Variants in FOXO1 observed in about 807,000 individuals in gnomAD.
FOXO1 encodes forkhead box protein O1.
Under a neutral mutation model 44.1 loss-of-function variants are expected in FOXO1, and 6 were observed. The observed-to-expected ratio is 0.14, with a 90% CI of 0.07 to 0.27. The LOEUF is 0.27. Ranked by LOEUF, FOXO1 falls within the 10% of genes least tolerant of loss-of-function variation. The probability of loss-of-function intolerance (pLI) is 1.00; values close to 1 mark genes in which losing one functional copy is unlikely to be tolerated. For synonymous variants in FOXO1, 380 were observed against 362.7 expected (o/e 1.05, Z -0.54); for missense variants, 737 against 888.8 (o/e 0.83, Z 2.17).
At chr13:40,605,840 A>C (rs1407457736) in intron 1 of FOXO1, among the ~76,000 whole-genome samples, 1 of 152,186 alleles carries the variant, frequency 6.6e-6, no homozygotes, top group Non-Finnish European at 1.5e-5. Flanking sequence ...GCCACAAATT[A>C]TACCAGTAAT....
intron 1 of FOXO1, among the ~76,000 whole-genome samples, chr13:40,648,035 A>C (rs763567531): frequency 5.9e-5 from 9 of 152,202 alleles, no homozygotes; most frequent in Non-Finnish European, 1.3e-4. Flanking sequence ...AGTTTCAATC[A>C]TCTGACTCTT....
intron 1 of FOXO1, among the ~76,000 whole-genome samples, chr13:40,580,931 T>C (rs1874932058): frequency 6.6e-6 from 1 of 152,184 alleles, no homozygotes; most frequent in Admixed American, 6.5e-5. Flanking sequence ...CAGCACTGCT[T>C]AGCCTTCGCC....
At chr13:40,659,470 T>G (rs1877968913) in intron 1 of FOXO1, among the ~76,000 whole-genome samples, 2 of 151,938 alleles carry the variant, frequency 1.3e-5, no homozygotes, top group Non-Finnish European at 2.9e-5. Flanking sequence ...CTTGATTTTT[T>G]TTTTTTCCTG....
At chr13:40,642,240 T>A (rs1877375433) in intron 1 of FOXO1, among the ~76,000 whole-genome samples, 1 of 152,140 alleles carries the variant, frequency 6.6e-6, no homozygotes, top group South Asian at 2.1e-4. Flanking sequence ...CAGGTCTAAT[T>A]CTATAGATTT....
At chr13:40,600,599 T>G (rs1875780312) in intron 1 of FOXO1, among the ~76,000 whole-genome samples, 1 of 152,198 alleles carries the variant, frequency 6.6e-6, no homozygotes, top group African/African-American at 2.4e-5. Context: ...CTTCATTAAC[T>G]CCTTCCAGCA....
In FOXO1 at chr13:40,559,707, T is replaced by C; in HGVS notation, c.1784A>G (p.Gln595Arg). The C allele has an allele frequency of 6.2e-7, 1 of 1,613,976 alleles. No homozygotes were observed. Among genetic ancestry groups the C allele is most frequent in the Non-Finnish European group, 8.5e-7 (1 of 1,179,820 alleles). ...NGYGRMGLLH[Q>R]EKLPSDLDGM... ...ATCCAAGTCACTTGGGAGCTTCTCC[T>C]GGTGGAGAAGGCCCATTCTGCCATA... The change falls in exon 2 of 3, where the codon CAG (glutamine) becomes CGG (arginine). Residue 595 changes from glutamine (Q) to arginine (R), a missense_variant. This residue lies in a region of FOXO1 where 283 missense variants were observed against 278.1 expected (regional missense o/e 1.02). Coordinates refer to ENST00000379561, the MANE Select transcript of FOXO1 (RefSeq NM_002015.4).
intron 2 of FOXO1, 125 bp from the exon 3 acceptor site, chr13:40,559,159 T>C: frequency 2.5e-6 from 1 of 402,616 alleles, no homozygotes; most frequent in Non-Finnish European, 4.4e-6. Context: ...AAGCTAGAGC[T>C]TTCTCAAACA....
chr13:40,608,672 CTA>C (rs1342190913), intron 1 of FOXO1, among the ~76,000 whole-genome samples: 1 of 152,144 alleles, frequency 6.6e-6, no homozygotes, highest in Non-Finnish European at 1.5e-5. Flanking sequence ...TTTCTCCAGG[CTA>C]TCTTTTTTTC....
chr13:40,594,991 T>G (rs938845534), intron 1 of FOXO1, among the ~76,000 whole-genome samples: 1 of 152,188 alleles, frequency 6.6e-6, no homozygotes, highest in Non-Finnish European at 1.5e-5. Flanking sequence ...CAGCATACAG[T>G]AGACTTTATA....
chr13:40,575,297 C>A (rs1372659488), intron 1 of FOXO1, among the ~76,000 whole-genome samples: 1 of 152,066 alleles, frequency 6.6e-6, no homozygotes, highest in East Asian at 1.9e-4. Context: ...GCCAAGTTCA[C>A]AACAATGCAC....
intron 1 of FOXO1, chr13:40,620,214 A>C: frequency 6.4e-7 from 1 of 1,569,260 alleles, no homozygotes; most frequent in Non-Finnish European, 8.8e-7. Flanking sequence ...GACATCCAAC[A>C]ATCACACTGG....
At chr13:40,607,402 T>C (rs1044955910) in intron 1 of FOXO1, among the ~76,000 whole-genome samples, 13 of 152,148 alleles carry the variant, frequency 8.5e-5, no homozygotes, top group Non-Finnish European at 7.4e-5. Flanking sequence ...AAAAACATCA[T>C]TCTTCTTGGA....
chr13:40,596,713 C>G (rs571936421), intron 1 of FOXO1, among the ~76,000 whole-genome samples: 3 of 152,314 alleles, frequency 2.0e-5, no homozygotes, highest in Admixed American at 6.5e-5. Flanking sequence ...TCACTAAGCA[C>G]GCTCTGTTCT....
chr13:40,578,829 T>C (rs915139983), intron 1 of FOXO1, among the ~76,000 whole-genome samples: 47 of 152,316 alleles, frequency 3.1e-4, no homozygotes, highest in African/African-American at 1.1e-3. Context: ...CCTTAGACTT[T>C]GTTTTGTTTT....
At chr13:40,608,426 T>C (rs1876101232) in intron 1 of FOXO1, among the ~76,000 whole-genome samples, 1 of 152,122 alleles carries the variant, frequency 6.6e-6, no homozygotes, top group Admixed American at 6.5e-5. Context: ...ACACATGGAG[T>C]AGGCTGCTGC....
chr13:40,588,985 A>G (rs922809137), intron 1 of FOXO1, among the ~76,000 whole-genome samples: 1 of 152,128 alleles, frequency 6.6e-6, no homozygotes, highest in Admixed American at 6.5e-5. Flanking sequence ...CATGCCTGTA[A>G]TCCCGGCTAC....
intron 1 of FOXO1, among the ~76,000 whole-genome samples, chr13:40,612,054 G>C (rs1456976792): frequency 6.6e-6 from 1 of 152,132 alleles, no homozygotes; most frequent in East Asian, 1.9e-4. Flanking sequence ...GGGAGACACA[G>C]TGAGACCCTG....
intron 1 of FOXO1, among the ~76,000 whole-genome samples, chr13:40,622,410 A>T (rs1480681276): frequency 6.6e-6 from 1 of 152,222 alleles, no homozygotes; most frequent in African/African-American, 2.4e-5. Context: ...AAAATCTCAG[A>T]TTTCACAACT....
intron 1 of FOXO1, among the ~76,000 whole-genome samples, chr13:40,664,018 T>C (rs919700270): frequency 2.0e-5 from 3 of 152,230 alleles, no homozygotes; most frequent in Non-Finnish European, 4.4e-5. Flanking sequence ...CTCACGCCTG[T>C]AATCCCAGCA....
Sources: allele counts gnomAD v4.1 joint callset (sites outside exome capture counted in the v4.1 genomes callset), GRCh38; gene constraint gnomAD v4.1.1; regional missense constraint gnomAD v4.1.1; transcripts MANE v1.5; gene names NCBI Gene and HGNC (gene_info 2026-07-23, HGNC 2026-07-21).